The following TOPBP1 variants were observed in gnomAD, a reference collection of about 807,000 sequenced individuals.
TOPBP1 encodes the protein DNA topoisomerase 2-binding protein 1.
Under a neutral mutation model 167.7 loss-of-function variants are expected in TOPBP1, and 28 were observed. The observed-to-expected ratio is 0.17, with a 90% CI of 0.12 to 0.23. The LOEUF (loss-of-function observed/expected upper bound fraction) is 0.23. Ranked by LOEUF, TOPBP1 falls within the 10% of genes least tolerant of loss-of-function variation. TOPBP1 has a pLI of 1.00. For missense variants in TOPBP1, 1,554 were observed against 1,809.6 expected, an observed-to-expected ratio of 0.86 and a Z score of 2.56; for synonymous variants, 598 against 611.4, an observed-to-expected ratio of 0.98 and a Z score of 0.32.
intron 16 of TOPBP1, among the ~76,000 whole-genome samples, chr3:133,625,060 G>A (rs756297880): frequency 2.0e-5 from 3 of 152,114 alleles, no homozygotes; most frequent in Non-Finnish European, 4.4e-5. Flanking sequence ...TCCACCTCCC[G>A]GGTTCAAGCA....
intron 3 of TOPBP1, 94 bp downstream of exon 3, chr3:133,658,922 T>C (rs1936582578): frequency 8.2e-6 from 11 of 1,338,288 alleles, no homozygotes; most frequent in African/African-American, 4.5e-5. Context: ...ATAAGTTGCA[T>C]AGTACTTTAT....
At chr3:133,614,434 A>G (rs1385082257) in intron 23 of TOPBP1, among the ~76,000 whole-genome samples, 4 of 152,214 alleles carry the variant, frequency 2.6e-5, no homozygotes, top group African/African-American at 9.6e-5. Context: ...TGATTTATAT[A>G]CATATATATC....
intron 14 of TOPBP1, among the ~76,000 whole-genome samples, chr3:133,629,799 A>T (rs971478045): frequency 3.3e-5 from 5 of 151,728 alleles, no homozygotes; most frequent in Non-Finnish European, 5.9e-5. Context: ...ATATATATAT[A>T]TTTTTGAGAC....
intron 21 of TOPBP1, 166 bp downstream of exon 21, chr3:133,618,047 T>A: frequency 3.3e-6 from 2 of 614,124 alleles, no homozygotes; most frequent in Non-Finnish European, 5.6e-6. Context: ...TACCTCAATT[T>A]ACAAATTATT....
At position 133,608,593 on chromosome 3, in the gene TOPBP1, G is replaced by C; in HGVS notation, c.4367C>G (p.Ala1456Gly). 6.2e-7 allele frequency: 1 copy of C among 1,613,802 alleles called. No individual in the cohort carries two copies. Among genetic ancestry groups the C allele is most frequent in the Non-Finnish European group, 8.5e-7 (1 of 1,179,796 alleles). ...CAAGCAGTACACGTTCTGGGCAGCAGCTTCTGCTATATTAACTCCTGAGTC... is the reference window on the plus strand; with the variant it reads ...CAAGCAGTACACGTTCTGGGCAGCACCTTCTGCTATATTAACTCCTGAGTC... ...PDDSGVNIAE[A>G]AAQNVYCLRT... The change falls in exon 27 of 28, where the codon GCT becomes GGT. Residue 1456 changes from alanine (A) to glycine (G), a missense_variant. Physicochemically the swap from Ala to Gly is moderately conservative, Grantham distance 60 (BLOSUM62 0). Coordinates refer to ENST00000260810, the MANE Select transcript of TOPBP1 (RefSeq NM_007027.4).
At position 133,623,366 on chromosome 3, in the gene TOPBP1, C is replaced by T. The variant is rs763478120; in HGVS notation, c.3020G>A (p.Gly1007Asp). The change falls in exon 18 of 28, where the codon GGC becomes GAC. Residue 1007 changes from glycine to aspartate, a missense_variant. Physicochemically the swap from Gly to Asp is moderately conservative, Grantham distance 94. Coordinates refer to ENST00000260810, the MANE Select transcript of TOPBP1 (RefSeq NM_007027.4). ...GAGTAGTCGACTATTACAGAGCCGGCCATCTTGCACTGCGCTGATATCCAA... is the reference window on the plus strand; with the variant it reads ...GAGTAGTCGACTATTACAGAGCCGGTCATCTTGCACTGCGCTGATATCCAA... ...MSLDISAVQD[G>D]RLCNSRLLSA... 1.2e-6 allele frequency: 2 copies of T among 1,613,350 alleles called. No individual in the cohort carries two copies. The highest frequency in any genetic ancestry group is 1.7e-6 in the Non-Finnish European group (2 of 1,179,696).
At position 133,646,383 on chromosome 3, in the gene TOPBP1, G is replaced by A. The variant is rs1936075756; in HGVS notation, c.1505-2020C>T. ...GTAAAATTGCTGGCTGGGTGCAGTG[G>A]CTCAAGCCTGTAATCCCAACATTCT... On this transcript the variant is annotated intron_variant, in intron 10 of 27. Coordinates refer to ENST00000260810, the MANE Select transcript of TOPBP1 (RefSeq NM_007027.4). 5.9e-5 allele frequency among the ~76,000 whole-genome samples: 9 copies of A among 152,198 alleles called. No homozygotes were observed. The South Asian group carries it at 1.9e-3, about 32-fold the overall frequency.
Position 133,644,275 on chromosome 3 carries a change from T to C in TOPBP1, c.1593A>G (p.Glu531=). The C allele has an allele frequency of 6.2e-7, 1 of 1,613,808 alleles. No individual in the cohort carries two copies. Among genetic ancestry groups the C allele is most frequent in the African/African-American group, 1.3e-5 (1 of 75,052 alleles). ...LNDSTHISLQ[E]ENQSSVSHCV... Reference sequence around the variant, plus strand: ...AATGACTGACAGAAGACTGGTTTTCTTCTTGCAAAGAAATGTGAGTAGAAT... The same window carrying C: ...AATGACTGACAGAAGACTGGTTTTCCTCTTGCAAAGAAATGTGAGTAGAAT... The change falls in exon 11 of 28, where the codon GAA becomes GAG. Residue 531 remains glutamate (E), a synonymous_variant. Transcript: ENST00000260810.
At chr3:133,659,241 C>T in intron 2 of TOPBP1, 91 bp from the exon 3 acceptor site, 1 of 1,299,606 alleles carries the variant, frequency 7.7e-7, no homozygotes, top group Non-Finnish European at 1.0e-6. Flanking sequence ...AGCCTTTTCC[C>T]TATTGAAAGC....
intron 14 of TOPBP1, among the ~76,000 whole-genome samples, chr3:133,629,662 T>C (rs935662012): frequency 5.9e-5 from 9 of 152,238 alleles, no homozygotes; most frequent in South Asian, 4.1e-4. Context: ...GTGCTTGATA[T>C]CACAGTAATC....
chr3:133,646,617 C>T (rs1936085117), intron 10 of TOPBP1, among the ~76,000 whole-genome samples: 1 of 150,490 alleles, frequency 6.6e-6, no homozygotes, highest in Admixed American at 6.6e-5. Context: ...TGACACTACA[C>T]TCCATCCTCA....
At position 133,624,161 on chromosome 3, in the gene TOPBP1, T is replaced by C. The variant is rs1164180610; in HGVS notation, c.2819A>G (p.Glu940Gly). 14 of 1,613,422 alleles carry C rather than the reference T, an allele frequency of 8.7e-6. No individual in the cohort carries two copies. Among genetic ancestry groups the C allele is most frequent in the Non-Finnish European group, 1.1e-5 (13 of 1,179,766 alleles). Reference sequence around the variant, plus strand: ...TTGATAGATGAAATGAGTCACTGTTTCATCAAAACTCCACCTGAAATAACC... The same window carrying C: ...TTGATAGATGAAATGAGTCACTGTTCCATCAAAACTCCACCTGAAATAACC... ...LGADYRWSFDETVTHFIYQGR... is the reference protein window; with the variant it reads ...LGADYRWSFDGTVTHFIYQGR... Residue 940 changes from glutamate (E) to glycine (G), a missense_variant, in exon 17 of 28, where the codon GAA (glutamate) becomes GGA (glycine). This residue lies in a region of TOPBP1 where 1,197 missense variants were observed against 1,351.5 expected (regional missense o/e 0.89). Transcript: ENST00000260810.
chr3:133,649,760 G>C lies in TOPBP1; in HGVS notation c.1253+20C>G, dbSNP rs756618295. 1 of 1,585,856 alleles carries C rather than the reference G, an allele frequency of 6.3e-7. No homozygotes were observed. Among genetic ancestry groups the C allele is most frequent in the East Asian group, 2.2e-5 (1 of 44,656 alleles). On this transcript the variant is annotated intron_variant, in intron 9 of 27. Transcript: ENST00000260810. ...AAAATTATGTAGTAGAAATTGCTTT[G>C]AATTAAAAACGAAAAAAACCTGTGG...
At chr3:133,645,511 TAA>T (rs954730267) in intron 10 of TOPBP1, among the ~76,000 whole-genome samples, 3 of 152,252 alleles carry the variant, frequency 2.0e-5, no homozygotes, top group Non-Finnish European at 1.5e-5. Flanking sequence ...TGTTAAAATG[TAA>T]AGTTTGTTTT....
At chr3:133,656,061 T>C (rs1936470501) in intron 5 of TOPBP1, among the ~76,000 whole-genome samples, 1 of 151,022 alleles carries the variant, frequency 6.6e-6, no homozygotes, top group African/African-American at 2.4e-5. Context: ...AATTCTGTGG[T>C]GTTTGGTCTT....
Position 133,611,157 on chromosome 3 carries a change from A to G in TOPBP1, c.4036-16T>C, listed in dbSNP as rs375014820. 3 of 1,605,368 alleles carry G rather than the reference A, an allele frequency of 1.9e-6. No homozygotes were observed. Among genetic ancestry groups the G allele is most frequent in the Non-Finnish European group, 2.6e-6 (3 of 1,175,034 alleles). On this transcript the variant is annotated splice_polypyrimidine_tract_variant and intron_variant, in intron 24 of 27. Transcript: ENST00000260810. Reference sequence around the variant, plus strand: ...AGTCTTCTTCCTAGAGAATTTGTCCAACAAACCTGAGTTGTTACAGTCTGG... The same window carrying G: ...AGTCTTCTTCCTAGAGAATTTGTCCGACAAACCTGAGTTGTTACAGTCTGG...
chr3:133,608,743 TAG>T (rs1160441078), intron 26 of TOPBP1, 47 bp from the exon 27 acceptor site: 1 of 1,603,938 alleles, frequency 6.2e-7, no homozygotes, highest in African/African-American at 1.3e-5. Context: ...TATTCCAAAG[TAG>T]TTCAGCTGTA....
At position 133,644,008 on chromosome 3, in the gene TOPBP1, G is replaced by A. The variant is rs766706212; in HGVS notation, c.1848+12C>T. On this transcript the variant is annotated intron_variant, in intron 11 of 27. Transcript: ENST00000260810. Reference sequence around the variant, plus strand: ...CTTCGATACTTTATTTCAACCACTAGTGTTGTCTTACCAGCCATGTATTTG... The same window carrying A: ...CTTCGATACTTTATTTCAACCACTAATGTTGTCTTACCAGCCATGTATTTG... 3.8e-6 allele frequency: 6 copies of A among 1,580,414 alleles called. No individual in the cohort carries two copies. Among genetic ancestry groups the A allele is most frequent in the Non-Finnish European group, 5.2e-6 (6 of 1,164,764 alleles).
chr3:133,641,839 C>CA (rs1221159233), intron 12 of TOPBP1, among the ~76,000 whole-genome samples: 1 of 151,892 alleles, frequency 6.6e-6, no homozygotes, highest in Non-Finnish European at 1.5e-5. Flanking sequence ...CAGAAAACAG[C>CA]AAAAAAAGAA....
Sources: gnomAD v4.1 joint callset for allele counts (sites outside exome capture counted in the v4.1 genomes callset) on GRCh38, gnomAD v4.1.1 for gene constraint, gnomAD v4.1.1 regional missense constraint, MANE v1.5 for transcripts, NCBI Gene and HGNC (gene_info 2026-07-23, HGNC 2026-07-21) for gene names.